LRP1B: variants seen among roughly 807,000 people sequenced by gnomAD.
LRP1B encodes LDL receptor related protein 1B.
A neutral mutation model predicts 556.6 loss-of-function variants in LRP1B; 217 were observed. The ratio of observed to expected loss-of-function variants is 0.39; its 90% CI spans 0.35 to 0.44. LRP1B has a LOEUF of 0.44. LRP1B is among the 20% of genes least tolerant of loss of function. The pLI is 1.00. For missense variants in LRP1B, 5,053 were observed against 5,620.8 expected, an observed-to-expected ratio of 0.90 and a Z score of 3.23; for synonymous variants, 2,047 against 1,865.8, an observed-to-expected ratio of 1.10 and a Z score of -2.50.
chr2:140,931,959 T>C (rs1695063308), intron 20 of LRP1B, among the ~76,000 whole-genome samples: 1 of 152,170 alleles, frequency 6.6e-6, no homozygotes, highest in African/African-American at 2.4e-5. Flanking sequence ...AATTGCAATG[T>C]GGATAGGCTA....
chr2:140,332,205 T>C (rs995035562), intron 79 of LRP1B, among the ~76,000 whole-genome samples: 1 of 152,122 alleles, frequency 6.6e-6, no homozygotes, highest in Non-Finnish European at 1.5e-5. Flanking sequence ...TTTTTCTTTA[T>C]TGGAGATTAT....
intron 31 of LRP1B, among the ~76,000 whole-genome samples, chr2:140,830,044 A>G (rs957314172): frequency 1.3e-5 from 2 of 152,014 alleles, no homozygotes; most frequent in Non-Finnish European, 2.9e-5. Context: ...TACAACCTAC[A>G]AAGACTGAAC....
intron 1 of LRP1B, among the ~76,000 whole-genome samples, chr2:142,020,018 A>G (rs1008671908): frequency 5.3e-5 from 8 of 152,132 alleles, no homozygotes; most frequent in Non-Finnish European, 1.0e-4. Context: ...AATGCCATTT[A>G]TTTATTATAT....
intron 1 of LRP1B, among the ~76,000 whole-genome samples, chr2:142,022,833 G>A (rs1303294304): frequency 6.6e-6 from 1 of 152,088 alleles, no homozygotes; most frequent in Non-Finnish European, 1.5e-5. Context: ...ATCACGCCCG[G>A]CTAATTTTTT....
chr2:140,330,065 T>A (rs1000153327), intron 79 of LRP1B, among the ~76,000 whole-genome samples: 1 of 151,456 alleles, frequency 6.6e-6, no homozygotes, highest in African/African-American at 2.4e-5. Flanking sequence ...CTGGGCATGG[T>A]AGCAGGTGCC....
At chr2:141,320,408 T>C (rs1687193267) in intron 3 of LRP1B, among the ~76,000 whole-genome samples, 5 of 152,084 alleles carry the variant, frequency 3.3e-5, no homozygotes, top group Non-Finnish European at 7.4e-5. Flanking sequence ...GTTTAGAATA[T>C]TTTAAATTCC....
At chr2:140,404,137 C>G (rs1423944232) in intron 66 of LRP1B, among the ~76,000 whole-genome samples, 2 of 142,602 alleles carry the variant, frequency 1.4e-5, no homozygotes, top group Non-Finnish European at 3.1e-5. Flanking sequence ...AATCTTGAAA[C>G]AAAAGCTGGA....
chr2:141,270,205 T>G, intron 3 of LRP1B, among the ~76,000 whole-genome samples: 1 of 151,888 alleles, frequency 6.6e-6, no homozygotes, highest in Admixed American at 6.6e-5. Context: ...ATTAAGGAAA[T>G]AAAAATAAAA....
intron 2 of LRP1B, among the ~76,000 whole-genome samples, chr2:141,648,581 G>A (rs1001225094): frequency 6.6e-6 from 1 of 152,150 alleles, no homozygotes; most frequent in African/African-American, 2.4e-5. Flanking sequence ...CATTCTGTGA[G>A]TTTCTTGAGG....
intron 3 of LRP1B, among the ~76,000 whole-genome samples, chr2:141,330,751 T>G (rs1321385661): frequency 9.0e-5 from 3 of 33,276 alleles, no homozygotes; most frequent in African/African-American, 5.8e-4. Context: ...AACAAACTTT[T>G]TTTTTTTTTT....
chr2:141,063,616 G>A (rs956422407), intron 7 of LRP1B, among the ~76,000 whole-genome samples: 4 of 151,642 alleles, frequency 2.6e-5, no homozygotes, highest in African/African-American at 9.7e-5. Flanking sequence ...GTATGCACGC[G>A]TTCCCTCTCC....
chr2:141,740,210 T>G (rs957492411), intron 2 of LRP1B, among the ~76,000 whole-genome samples: 1 of 152,112 alleles, frequency 6.6e-6, no homozygotes, highest in Non-Finnish European at 1.5e-5. Flanking sequence ...AATAAGATAT[T>G]CAATAAATTC....
chr2:141,848,891 A>T (rs1697747683), intron 1 of LRP1B, among the ~76,000 whole-genome samples: 1 of 151,592 alleles, frequency 6.6e-6, no homozygotes, highest in Non-Finnish European at 1.5e-5. Flanking sequence ...ATTTTTATTG[A>T]TGCCATTCAG....
intron 7 of LRP1B, 119 bp downstream of exon 7, chr2:141,188,302 A>G (rs1681351690): frequency 1.0e-6 from 1 of 954,892 alleles, no homozygotes; most frequent in Non-Finnish European, 1.6e-6. Context: ...TGTTAAAATC[A>G]ACATTTCTAA....
chr2:140,690,278 C>G (rs1686191281), intron 41 of LRP1B, among the ~76,000 whole-genome samples: 1 of 152,112 alleles, frequency 6.6e-6, no homozygotes, highest in Admixed American at 6.5e-5. Context: ...AATCTCCAAC[C>G]CCTTTCCTTT....
intron 1 of LRP1B, among the ~76,000 whole-genome samples, chr2:142,044,776 G>A (rs1181950526): frequency 2.4e-5 from 3 of 122,760 alleles, no homozygotes; most frequent in East Asian, 2.8e-4. Context: ...ACAGAAACAC[G>A]CAATTAACAT....
At chr2:141,479,938 A>G (rs925512116) in intron 3 of LRP1B, among the ~76,000 whole-genome samples, 1 of 152,222 alleles carries the variant, frequency 6.6e-6, no homozygotes, top group Non-Finnish European at 1.5e-5. Context: ...TCATGGAAAG[A>G]TTATGAAGGA....
intron 26 of LRP1B, 116 bp from the exon 27 acceptor site, chr2:140,867,950 T>A: frequency 3.1e-6 from 4 of 1,299,636 alleles, no homozygotes; most frequent in Non-Finnish European, 4.1e-6. Flanking sequence ...TTTTTATGGG[T>A]CTGTATCTGA....
chr2:141,340,965 G>C (rs934600812), intron 3 of LRP1B, among the ~76,000 whole-genome samples: 1 of 93,306 alleles, frequency 1.1e-5, no homozygotes, highest in African/African-American at 4.7e-5. Flanking sequence ...GCTAAGTTTT[G>C]ATCGCACAGA....
Sources: gnomAD v4.1 joint callset for allele counts (sites outside exome capture counted in the v4.1 genomes callset) on GRCh38, gnomAD v4.1.1 for gene constraint, MANE v1.5 for transcripts, NCBI Gene and HGNC (gene_info 2026-07-23, HGNC 2026-07-21) for gene names.